Variants in CADM2 observed in about 807,000 individuals in gnomAD.
CADM2 encodes the protein cell adhesion molecule 2.
In CADM2, 12 loss-of-function variants were observed where a neutral mutation model predicts 49.8. The observed-to-expected ratio is 0.24, with a 90% confidence interval of 0.15 to 0.39. The LOEUF (loss-of-function observed/expected upper bound fraction) is 0.39. CADM2 is among the 10% of genes least tolerant of loss of function. CADM2 has a pLI of 1.00. For missense variants in CADM2, 378 were observed against 492.3 expected (o/e 0.77, Z 2.20); for synonymous variants, 214 against 175.4 (o/e 1.22, Z -1.74).
intron 1 of CADM2, among the ~76,000 whole-genome samples, chr3:85,354,929 G>A (rs2031726425): frequency 1.3e-5 from 2 of 152,120 alleles, no homozygotes; most frequent in Admixed American, 1.3e-4. Flanking sequence ...ACATGTGCAT[G>A]CACAATTGAG....
chr3:85,994,833 A>C (rs1729173948), intron 8 of CADM2: 1 of 152,110 alleles, frequency 6.6e-6, no homozygotes. Flanking sequence ...CAAAACAATT[A>C]CAATGGAAAC....
intron 2 of CADM2, among the ~76,000 whole-genome samples, chr3:85,753,400 AT>A (rs1231599940): frequency 2.0e-5 from 3 of 152,152 alleles, no homozygotes; most frequent in African/African-American, 7.2e-5. Context: ...AGGAAAAAAA[AT>A]GTGATTGCAA....
chr3:85,161,912 G>A (rs1285485807), intron 1 of CADM2, among the ~76,000 whole-genome samples: 2 of 152,066 alleles, frequency 1.3e-5, no homozygotes, highest in African/African-American at 4.8e-5. Flanking sequence ...ACCTACTCGG[G>A]AGGCTGAGGC....
intron 8 of CADM2, among the ~76,000 whole-genome samples, chr3:86,037,283 C>A (rs758409265): frequency 9.9e-5 from 15 of 152,112 alleles, no homozygotes; most frequent in Admixed American, 9.8e-4. Flanking sequence ...TTAATGTCAA[C>A]GCTTAACATA....
intron 1 of CADM2, among the ~76,000 whole-genome samples, chr3:85,515,532 C>T (rs1250168601): frequency 2.0e-5 from 3 of 149,236 alleles, no homozygotes; most frequent in Admixed American, 1.3e-4. Context: ...AAGCGATTCT[C>T]CTGCCTCAGC....
At chr3:85,343,568 A>T (rs2030189039) in intron 1 of CADM2, among the ~76,000 whole-genome samples, 2 of 152,308 alleles carry the variant, frequency 1.3e-5, no homozygotes, top group South Asian at 4.1e-4. Flanking sequence ...GAGTAAATAA[A>T]TCATCCAACC....
At chr3:85,116,297 G>A (rs958945098) in intron 1 of CADM2, among the ~76,000 whole-genome samples, 12 of 152,242 alleles carry the variant, frequency 7.9e-5, no homozygotes, top group African/African-American at 2.9e-4. Context: ...TTGCTCTCCA[G>A]CCTGGGCAAC....
At chr3:86,032,432 A>G (rs1247366384) in intron 8 of CADM2, among the ~76,000 whole-genome samples, 1 of 151,872 alleles carries the variant, frequency 6.6e-6, no homozygotes, top group Non-Finnish European at 1.5e-5. Flanking sequence ...TGTCTTACCA[A>G]TTTCTGTAAT....
rs9882260 is a variant in CADM2 at position 85,818,664 on chromosome 3, C to A, written c.238+16468C>A. Among the ~76,000 whole-genome samples the A allele has an allele frequency of 2.7e-3, 406 of 152,188 alleles. 1 individual carries two copies. Among genetic ancestry groups the A allele is most frequent in the African/African-American group, 9.4e-3 (392 of 41,504 alleles). ...CCCTAGCTATTATCTTTTATCTTAGCACATTCATCACAATATAAATTCTTT... is the reference window on the plus strand; with the variant it reads ...CCCTAGCTATTATCTTTTATCTTAGAACATTCATCACAATATAAATTCTTT... On this transcript the variant is annotated intron_variant, in intron 3 of 9. Coordinates refer to ENST00000383699, the MANE Select transcript of CADM2 (RefSeq NM_001167675.2).
At chr3:85,040,615 T>G (rs2035397136) in intron 1 of CADM2, among the ~76,000 whole-genome samples, 2 of 152,174 alleles carry the variant, frequency 1.3e-5, no homozygotes, top group South Asian at 4.1e-4. Context: ...ACTCTGGTGT[T>G]TATAAAACAG....
At chr3:85,148,542 A>G (rs1294143128) in intron 1 of CADM2, among the ~76,000 whole-genome samples, 1 of 152,164 alleles carries the variant, frequency 6.6e-6, no homozygotes, top group African/African-American at 2.4e-5. Flanking sequence ...AGTATCCTGA[A>G]TGTTAAAGAA....
chr3:85,162,245 A>G (rs1471356429), intron 1 of CADM2, among the ~76,000 whole-genome samples: 1 of 152,186 alleles, frequency 6.6e-6, no homozygotes, highest in East Asian at 1.9e-4. Context: ...AGAAGAGACA[A>G]GTAAATATGT....
At position 86,067,991 on chromosome 3, in the gene CADM2, A is replaced by T. The variant is rs2107449259; in HGVS notation, c.*1208A>T. On this transcript the variant is annotated 3_prime_UTR_variant, in exon 10 of 10. Transcript: ENST00000383699. ...CACAGTTGAATAATAACCTAAAAAT[A>T]AATTTTAGTTTGCTAAAAATTTACA... 6.6e-6 allele frequency: 1 copy of T among 152,624 alleles called. No individual in the cohort carries two copies. The highest frequency in any genetic ancestry group is 1.5e-5 in the Non-Finnish European group (1 of 67,894). 9.5% of individuals were successfully genotyped at this position (152,624 alleles called of 1,614,324 possible).
intron 1 of CADM2, among the ~76,000 whole-genome samples, chr3:85,409,630 A>T (rs1353405137): frequency 1.3e-5 from 2 of 152,190 alleles, no homozygotes; most frequent in African/African-American, 4.8e-5. Flanking sequence ...TTGAAAGCGT[A>T]CTGGAGGAGG....
At chr3:85,148,186 A>T (rs1024335515) in intron 1 of CADM2, among the ~76,000 whole-genome samples, 3 of 152,164 alleles carry the variant, frequency 2.0e-5, no homozygotes, top group Non-Finnish European at 2.9e-5. Flanking sequence ...ACATGAGTTG[A>T]TTCTCTCAGC....
At chr3:85,268,655 A>G (rs1576246833) in intron 1 of CADM2, among the ~76,000 whole-genome samples, 1 of 151,444 alleles carries the variant, frequency 6.6e-6, no homozygotes, top group South Asian at 2.1e-4. Flanking sequence ...TAAAATTCAA[A>G]AAAATGTAAG....
intron 1 of CADM2, among the ~76,000 whole-genome samples, chr3:85,054,871 C>G (rs181582350): frequency 1.3e-3 from 192 of 151,916 alleles, no homozygotes; most frequent in African/African-American, 4.3e-3. Flanking sequence ...GAGTAAATAG[C>G]CTCAAGTCTA....
At chr3:85,629,024 A>G (rs2064220559) in intron 1 of CADM2, among the ~76,000 whole-genome samples, 3 of 151,842 alleles carry the variant, frequency 2.0e-5, no homozygotes, top group African/African-American at 7.2e-5. Flanking sequence ...GCTTTATTTC[A>G]GACAGAAATA....
intron 1 of CADM2, among the ~76,000 whole-genome samples, chr3:85,345,920 A>G (rs1479528815): frequency 1.3e-5 from 2 of 152,212 alleles, no homozygotes; most frequent in African/African-American, 4.8e-5. Context: ...CCAATTGTTC[A>G]GAGGCAACAA....
Sources: gnomAD v4.1 joint callset for allele counts (sites outside exome capture counted in the v4.1 genomes callset) on GRCh38, gnomAD v4.1.1 for gene constraint, MANE v1.5 for transcripts, NCBI Gene and HGNC (gene_info 2026-07-23, HGNC 2026-07-21) for gene names.